The following GRIP1 variants were observed in gnomAD, a reference collection of about 807,000 sequenced individuals.
GRIP1 encodes the protein glutamate receptor interacting protein 1, also known as glutamate receptor-interacting protein 1.
In GRIP1, 45 loss-of-function variants were observed where a neutral mutation model predicts 129.9. The ratio of observed to expected loss-of-function variants is 0.35; its 90% CI spans 0.27 to 0.44. GRIP1 has a LOEUF of 0.44. Ranked by LOEUF, GRIP1 falls within the 20% of genes least tolerant of loss-of-function variation. The probability of loss-of-function intolerance (pLI) is 1.00; values close to 1 mark genes in which losing one functional copy is unlikely to be tolerated. For missense variants in GRIP1, 1,196 were observed against 1,396.8 expected, an observed-to-expected ratio of 0.86 and a Z score of 2.29; for synonymous variants, 530 against 520.8, an observed-to-expected ratio of 1.02 and a Z score of -0.24.
chr12:66,616,556 G>A (rs2065045377), intron 1 of GRIP1, among the ~76,000 whole-genome samples: 1 of 152,080 alleles, frequency 6.6e-6, no homozygotes, highest in Non-Finnish European at 1.5e-5. Flanking sequence ...CAACACTCAT[G>A]ACAGGCCTTA....
chr12:66,968,445 CTT>C (rs2042027578), intron 1 of GRIP1, among the ~76,000 whole-genome samples: 1 of 152,042 alleles, frequency 6.6e-6, no homozygotes, highest in South Asian at 2.1e-4. Context: ...ATTCTCCCCT[CTT>C]GTTCTTCTTT....
intron 1 of GRIP1, among the ~76,000 whole-genome samples, chr12:66,924,791 C>T (rs2041269584): frequency 6.6e-6 from 1 of 152,060 alleles, no homozygotes; most frequent in African/African-American, 2.4e-5. Flanking sequence ...CACGGTGAAA[C>T]CCCGTCTCTA....
At chr12:66,531,302 T>TATATATATAC (rs1565833961) in intron 4 of GRIP1, among the ~76,000 whole-genome samples, 3 of 98,188 alleles carry the variant, frequency 3.1e-5, no homozygotes, top group Non-Finnish European at 6.3e-5. Flanking sequence ...TATATATATA[T>TATATATATAC]ACACACACAC....
At chr12:67,052,968 T>TA (rs1460677631) in intron 1 of GRIP1, among the ~76,000 whole-genome samples, 1 of 152,186 alleles carries the variant, frequency 6.6e-6, no homozygotes, top group East Asian at 1.9e-4. Flanking sequence ...ATCTCTATCC[T>TA]AAAATCAAGC....
intron 2 of GRIP1, among the ~76,000 whole-genome samples, chr12:66,569,997 C>CAAT (rs1190608065): frequency 6.6e-6 from 1 of 151,920 alleles, no homozygotes; most frequent in South Asian, 2.1e-4. Flanking sequence ...CATGCACAGG[C>CAAT]AATAATAATA....
intron 1 of GRIP1, among the ~76,000 whole-genome samples, chr12:66,928,622 A>T (rs954495544): frequency 2.6e-5 from 4 of 152,200 alleles, no homozygotes; most frequent in Admixed American, 2.6e-4. Context: ...TACCTTACAG[A>T]TTGTCTACAT....
chr12:66,726,045 A>G (rs2036244563), intron 1 of GRIP1, among the ~76,000 whole-genome samples: 1 of 152,172 alleles, frequency 6.6e-6, no homozygotes, highest in Admixed American at 6.5e-5. Context: ...TCCTAGCCTC[A>G]CTGAATCACT....
intron 2 of GRIP1, among the ~76,000 whole-genome samples, chr12:66,582,910 A>C (rs1407193446): frequency 2.0e-5 from 3 of 148,814 alleles, no homozygotes; most frequent in East Asian, 2.0e-4. Context: ...AAACTACTTT[A>C]AAGTTCATAT....
At chr12:66,674,104 G>A (rs972864787) in intron 1 of GRIP1, among the ~76,000 whole-genome samples, 3 of 152,122 alleles carry the variant, frequency 2.0e-5, no homozygotes, top group South Asian at 2.1e-4. Context: ...GAAGGCCAGC[G>A]AGGGTTAGCA....
intron 1 of GRIP1, among the ~76,000 whole-genome samples, chr12:66,667,521 C>T (rs1565953952): frequency 6.6e-6 from 1 of 152,166 alleles, no homozygotes; most frequent in East Asian, 1.9e-4. Flanking sequence ...AACTAGGTTG[C>T]CTAATACAAG....
intron 1 of GRIP1, among the ~76,000 whole-genome samples, chr12:66,737,623 T>A (rs1375764614): frequency 2.0e-5 from 3 of 152,180 alleles, no homozygotes; most frequent in Non-Finnish European, 2.9e-5. Flanking sequence ...CCAGCATAAT[T>A]TCTATCTTCC....
chr12:66,804,775 C>T (rs1281959118), upstream of GRIP1, among the ~76,000 whole-genome samples: 1 of 152,194 alleles, frequency 6.6e-6, no homozygotes, highest in Non-Finnish European at 1.5e-5. Flanking sequence ...TCTTGAAAAG[C>T]TATTGTTTTG....
At chr12:66,964,455 C>T (rs1819223183) in intron 1 of GRIP1, among the ~76,000 whole-genome samples, 1 of 151,944 alleles carries the variant, frequency 6.6e-6, no homozygotes, top group African/African-American at 2.4e-5. Flanking sequence ...TCACCCACAC[C>T]CTAGAATTCA....
chr12:66,521,053 A>G lies in GRIP1; in HGVS notation c.503-3077T>C, dbSNP rs1010306876. On this transcript the variant is annotated intron_variant, in intron 5 of 24. Transcript: ENST00000359742. ...GATCTTGGGCTCTGTTGCTCCACCT[A>G]AAAATAGGCCTTGGTCAGAAAAATG... 1.3e-4 allele frequency among the ~76,000 whole-genome samples: 20 copies of G among 152,214 alleles called. 1 individual carries two copies. The highest frequency in any genetic ancestry group is 2.6e-4 in the Non-Finnish European group (18 of 68,026).
At chr12:66,647,051 G>A (rs1373490312) in intron 1 of GRIP1, among the ~76,000 whole-genome samples, 1 of 152,178 alleles carries the variant, frequency 6.6e-6, no homozygotes, top group Admixed American at 6.5e-5. Flanking sequence ...CTGCAGACTA[G>A]GGAAGCAACA....
At chr12:66,676,332 C>G (rs1464583180) in intron 1 of GRIP1, among the ~76,000 whole-genome samples, 1 of 152,192 alleles carries the variant, frequency 6.6e-6, no homozygotes, top group African/African-American at 2.4e-5. Flanking sequence ...ATCATTTTCT[C>G]CTTAAGAAAA....
At chr12:66,403,720 T>C (rs1388182981) in intron 16 of GRIP1, among the ~76,000 whole-genome samples, 2 of 152,162 alleles carry the variant, frequency 1.3e-5, no homozygotes. Flanking sequence ...TAAAACATAT[T>C]TAATAAGCAC....
chr12:67,051,026 T>C (rs995241990), intron 1 of GRIP1, among the ~76,000 whole-genome samples: 2 of 152,100 alleles, frequency 1.3e-5, no homozygotes, highest in Middle Eastern at 3.2e-3. Flanking sequence ...ACTTGGGACA[T>C]AGTAAAAGAA....
chr12:66,525,512 G>A (rs1226247364), intron 5 of GRIP1, among the ~76,000 whole-genome samples: 1 of 145,124 alleles, frequency 6.9e-6, no homozygotes, highest in Non-Finnish European at 1.5e-5. Flanking sequence ...AATAAATTAG[G>A]TATTGATGGG....
Sources: allele counts gnomAD v4.1 joint callset (sites outside exome capture counted in the v4.1 genomes callset), GRCh38; gene constraint gnomAD v4.1.1; transcripts MANE v1.5; gene names NCBI Gene and HGNC (gene_info 2026-07-23, HGNC 2026-07-21).